Variants in CCDC178 observed in about 807,000 individuals in gnomAD.
CCDC178 encodes coiled-coil domain-containing protein 178.
In CCDC178, 126 loss-of-function variants were observed where a neutral mutation model predicts 117.4. The ratio of observed to expected loss-of-function variants is 1.07; its 90% CI spans 0.93 to 1.24. CCDC178 has a LOEUF of 1.24. Ranked by LOEUF, CCDC178 falls within the 50% of genes most tolerant of loss-of-function variation. The probability of loss-of-function intolerance (pLI) is 0.00; values close to 1 mark genes in which losing one functional copy is unlikely to be tolerated. For synonymous variants in CCDC178, 283 were observed against 313.4 expected (o/e 0.90, Z 1.02); for missense variants, 1,030 against 986.9 (o/e 1.04, Z -0.59).
chr18:33,237,130 C>T (rs948846841), intron 15 of CCDC178, among the ~76,000 whole-genome samples: 7 of 152,182 alleles, frequency 4.6e-5, no homozygotes, highest in African/African-American at 1.4e-4. Flanking sequence ...GTACCCTTCT[C>T]TGGAGGCCAG....
chr18:33,245,353 G>T lies in CCDC178; in HGVS notation c.1485C>A (p.Leu495=). 1 of 1,607,050 alleles carries T rather than the reference G, an allele frequency of 6.2e-7. No homozygotes were observed. The highest frequency in any genetic ancestry group is 8.5e-7 in the Non-Finnish European group (1 of 1,176,986). Residue 495 remains leucine, a synonymous_variant, in exon 15 of 23, where the codon CTC becomes CTA. Coordinates refer to ENST00000383096, the MANE Select transcript of CCDC178 (RefSeq NM_001105528.4). ...TIMKLKNDKH[L]KNIYKEAYRI... ...GATAAGCCTCCTTATAGATGTTCTT[G>T]AGATGTTTATCATTCTTTAACTTCA...
chr18:33,365,468 C>T (rs979663677), intron 6 of CCDC178, among the ~76,000 whole-genome samples: 9 of 151,948 alleles, frequency 5.9e-5, no homozygotes, highest in African/African-American at 1.2e-4. Context: ...GAGAAATCAG[C>T]CTCTGAAATC....
intron 21 of CCDC178, among the ~76,000 whole-genome samples, chr18:33,080,917 A>T (rs557852737): frequency 7.8e-4 from 119 of 152,298 alleles, no homozygotes; most frequent in African/African-American, 2.8e-3. Flanking sequence ...ATGCTGAAAT[A>T]AAAATATGGT....
chr18:33,404,016 C>T (rs1440641996), intron 3 of CCDC178, among the ~76,000 whole-genome samples: 1 of 152,036 alleles, frequency 6.6e-6, no homozygotes, highest in South Asian at 2.1e-4. Context: ...TTTACCACTA[C>T]CCCTCAAGGG....
At chr18:33,343,536 C>A (rs1346856279) in intron 9 of CCDC178, among the ~76,000 whole-genome samples, 1 of 152,162 alleles carries the variant, frequency 6.6e-6, no homozygotes, top group East Asian at 1.9e-4. Flanking sequence ...CCCTGCCTCA[C>A]CCATCTCCAT....
intron 14 of CCDC178, among the ~76,000 whole-genome samples, chr18:33,253,884 C>T (rs138861075): frequency 1.3e-5 from 2 of 151,634 alleles, no homozygotes. Context: ...TTAATAATAC[C>T]TATCATCAAA....
At chr18:33,296,977 T>C (rs889425651) in intron 11 of CCDC178, among the ~76,000 whole-genome samples, 3 of 152,144 alleles carry the variant, frequency 2.0e-5, no homozygotes, top group Admixed American at 2.0e-4. Context: ...TGAATCAAGA[T>C]TGTGTCACTG....
chr18:33,318,181 G>A (rs574651261), intron 11 of CCDC178, among the ~76,000 whole-genome samples: 17 of 152,320 alleles, frequency 1.1e-4, no homozygotes, highest in African/African-American at 3.8e-4. Context: ...TGTGAGCCAT[G>A]TTACTACTTC....
At chr18:32,981,188 A>G (rs150290457) in intron 21 of CCDC178, among the ~76,000 whole-genome samples, 1 of 152,318 alleles carries the variant, frequency 6.6e-6, no homozygotes, top group African/African-American at 2.4e-5. Context: ...TAAAAAAATA[A>G]AATAAAATAA....
intron 15 of CCDC178, among the ~76,000 whole-genome samples, chr18:33,228,633 G>A (rs750453052): frequency 1.6e-4 from 25 of 152,170 alleles, no homozygotes; most frequent in East Asian, 1.5e-3. Context: ...TCTGTCTAGC[G>A]TCTCAAAGAA....
chr18:32,967,845 CA>C (rs1320600100), intron 22 of CCDC178, among the ~76,000 whole-genome samples: 2 of 148,962 alleles, frequency 1.3e-5, no homozygotes, highest in African/African-American at 4.9e-5. Flanking sequence ...TTGTAATTTT[CA>C]TATATACTTT....
intron 2 of CCDC178, chr18:33,437,631 T>G (rs1314062574): frequency 2.0e-5 from 3 of 152,202 alleles, no homozygotes; most frequent in Non-Finnish European, 4.4e-5. Context: ...AATAGACATA[T>G]CATGATTAAA....
intron 20 of CCDC178, among the ~76,000 whole-genome samples, chr18:33,101,469 G>C (rs1382511955): frequency 1.3e-5 from 2 of 151,750 alleles, no homozygotes; most frequent in African/African-American, 4.8e-5. Flanking sequence ...GTCACAGAAA[G>C]GTCAGTTAAC....
intron 22 of CCDC178, among the ~76,000 whole-genome samples, chr18:32,960,543 C>T (rs369335000): frequency 5.3e-5 from 8 of 152,126 alleles, no homozygotes; most frequent in Admixed American, 6.6e-5. Flanking sequence ...TGTCAGGATA[C>T]GTCTAGGTGC....
intron 3 of CCDC178, among the ~76,000 whole-genome samples, chr18:33,401,821 A>T (rs186979332): frequency 5.3e-5 from 8 of 152,198 alleles, no homozygotes; most frequent in Middle Eastern, 3.4e-3. Context: ...ATATAAGTTG[A>T]AAACGTTAAC....
intron 20 of CCDC178, among the ~76,000 whole-genome samples, chr18:33,106,800 G>T (rs1193254497): frequency 1.3e-5 from 2 of 151,702 alleles, no homozygotes; most frequent in African/African-American, 4.8e-5. Context: ...AGTTCAGAGA[G>T]ATGTGGAGGA....
In CCDC178 at chr18:33,267,044, T is replaced by C. The variant is rs1322518030; in HGVS notation, c.1281A>G (p.Thr427=). The change falls in exon 14 of 23, where the codon ACA becomes ACG. Residue 427 remains threonine, a synonymous_variant. Coordinates refer to ENST00000383096, the MANE Select transcript of CCDC178 (RefSeq NM_001105528.4). ...CAACATCAGAAAGCTCAATATCCCA[T>C]GTTTTTTTCTTTAAGAAAAGAATAA... The part of the protein sequence containing the change: ...AVNDFYAAKK[T]WDIELSDVAK... The C allele has an allele frequency of 3.2e-6, 5 of 1,582,886 alleles. No homozygotes were observed. In the East Asian group the frequency reaches 1.1e-4, roughly 36 times the overall value.
chr18:33,394,987 A>G (rs1324068256), intron 4 of CCDC178, among the ~76,000 whole-genome samples: 2 of 121,460 alleles, frequency 1.6e-5, no homozygotes, highest in Non-Finnish European at 3.5e-5. Flanking sequence ...ATATATATAT[A>G]TGTATACATA....
At chr18:33,130,656 A>C (rs2058059437) in intron 20 of CCDC178, among the ~76,000 whole-genome samples, 1 of 151,952 alleles carries the variant, frequency 6.6e-6, no homozygotes, top group African/African-American at 2.4e-5. Flanking sequence ...AAGACTAATA[A>C]AAATCACTGT....
Sources: allele counts gnomAD v4.1 joint callset (sites outside exome capture counted in the v4.1 genomes callset), GRCh38; gene constraint gnomAD v4.1.1; transcripts MANE v1.5; gene names NCBI Gene and HGNC (gene_info 2026-07-23, HGNC 2026-07-21).